Variants in AGAP1 observed in about 807,000 individuals in gnomAD.
AGAP1 encodes arf-GAP with GTPase, ANK repeat and PH domain-containing protein 1.
Under a neutral mutation model 105.3 loss-of-function variants are expected in AGAP1, and 29 were observed. The ratio of observed to expected loss-of-function variants is 0.28; its 90% CI spans 0.21 to 0.38. The LOEUF (loss-of-function observed/expected upper bound fraction) is 0.38. Ranked by LOEUF, AGAP1 falls within the 10% of genes least tolerant of loss-of-function variation. AGAP1 has a pLI of 1.00. For missense variants in AGAP1, 998 were observed against 1,165.1 expected (o/e 0.86, Z 2.09); for synonymous variants, 509 against 485.9 (o/e 1.05, Z -0.63).
chr2:235,744,713 G>A lies in AGAP1; in HGVS notation c.412G>A (p.Asp138Asn), dbSNP rs1384017697. ...CTCTCCCTAGTTTGCCATGTGGGTG[G>A]ACGCTGTTATATTTGTCTTCAGCTT... ...PPEAQFAMWV[D>N]AVIFVFSLED... The change falls in exon 5 of 18, where the codon GAC (aspartate) becomes AAC (asparagine). Residue 138 changes from aspartate (D) to asparagine (N), a missense_variant. Physicochemically the swap from Asp to Asn is conservative, Grantham distance 23 (BLOSUM62 1). This residue lies in a region of AGAP1 where 735 missense variants were observed against 833.4 expected (regional missense o/e 0.88). Coordinates refer to ENST00000304032, the MANE Select transcript of AGAP1 (RefSeq NM_001037131.3). This position sits in a 1 kb window ranked among gnomAD's most constrained non-coding sequence, Gnocchi z 5.2. 6.2e-7 allele frequency: 1 copy of A among 1,613,916 alleles called. No individual in the cohort carries two copies. Among genetic ancestry groups the A allele is most frequent in the Non-Finnish European group, 8.5e-7 (1 of 1,180,020 alleles).
At chr2:235,527,554 T>C (rs1942886633) in intron 1 of AGAP1, among the ~76,000 whole-genome samples, 1 of 152,106 alleles carries the variant, frequency 6.6e-6, no homozygotes, top group Non-Finnish European at 1.5e-5. Flanking sequence ...TTTTATTTTA[T>C]TTTTTGCGTT....
chr2:235,832,797 A>G (rs1218438626), intron 9 of AGAP1, among the ~76,000 whole-genome samples: 1 of 152,192 alleles, frequency 6.6e-6, no homozygotes, highest in East Asian at 1.9e-4. Flanking sequence ...CCCACAGACT[A>G]GAAGGCAGGT....
chr2:235,515,505 T>A (rs1447115281), intron 1 of AGAP1, among the ~76,000 whole-genome samples: 3 of 152,204 alleles, frequency 2.0e-5, no homozygotes, highest in Non-Finnish European at 2.9e-5. Flanking sequence ...ACAGCGCTGA[T>A]CCACTGGAAT....
At chr2:235,836,718 C>G (rs1213946211) in intron 9 of AGAP1, among the ~76,000 whole-genome samples, 2 of 152,180 alleles carry the variant, frequency 1.3e-5, no homozygotes, top group African/African-American at 4.8e-5. Context: ...GCTCCTTCAT[C>G]CACTCTTCTC....
chr2:236,037,646 G>A (rs554281607), intron 14 of AGAP1, among the ~76,000 whole-genome samples: 15 of 152,242 alleles, frequency 9.9e-5, no homozygotes, highest in Middle Eastern at 3.4e-3. Context: ...GGGCTCAAGC[G>A]ATCCACCTGC....
At chr2:236,065,502 C>G (rs1441216824) in intron 16 of AGAP1, among the ~76,000 whole-genome samples, 2 of 152,232 alleles carry the variant, frequency 1.3e-5, no homozygotes, top group African/African-American at 4.8e-5. Context: ...GTTGCTAACA[C>G]TCCATCAGGC....
Position 236,123,447 on chromosome 2 carries a change from G to A in AGAP1, c.2371-472G>A, listed in dbSNP as rs536894798. Reference sequence around the variant, plus strand: ...ATTTGTACAGTCTTATCTCAATTATGTACATATACATGTAGATTCAAAGAA... The same window carrying A: ...ATTTGTACAGTCTTATCTCAATTATATACATATACATGTAGATTCAAAGAA... On this transcript the variant is annotated intron_variant, in intron 17 of 17. Transcript: ENST00000304032. The surrounding 1 kb of genome is among the most constrained non-coding windows in gnomAD (Gnocchi z 4.6). 3.9e-5 allele frequency among the ~76,000 whole-genome samples: 6 copies of A among 152,224 alleles called. No homozygotes were observed. In the East Asian group the frequency reaches 7.7e-4, roughly 20 times the overall value.
chr2:235,940,269 C>T (rs1036900204), intron 12 of AGAP1, among the ~76,000 whole-genome samples: 3 of 152,116 alleles, frequency 2.0e-5, no homozygotes, highest in Non-Finnish European at 2.9e-5. Context: ...GGTCCTAACT[C>T]ATCTCTGGCC....
chr2:235,789,467 TACA>T lies in AGAP1; in HGVS notation c.674-8289_674-8287del, dbSNP rs886678741. Among the ~76,000 whole-genome samples, 39 of 152,326 alleles carry T rather than the reference TACA, an allele frequency of 2.6e-4. No individual in the cohort carries two copies. The highest frequency in any genetic ancestry group is 3.4e-3 in the Middle Eastern group (1 of 294). ...ATAAATGAAGATAAATTTGTTTTAATACAACGAGATAAAAAGAATACAGACAAG... is the reference window on the plus strand; with the variant it reads ...ATAAATGAAGATAAATTTGTTTTAATACGAGATAAAAAGAATACAGACAAG... On this transcript the variant is annotated intron_variant, in intron 6 of 17. Coordinates refer to ENST00000304032, the MANE Select transcript of AGAP1 (RefSeq NM_001037131.3). This position sits in a 1 kb window ranked among gnomAD's most constrained non-coding sequence, Gnocchi z 4.2.
chr2:235,584,798 C>T (rs1945047933), intron 1 of AGAP1, among the ~76,000 whole-genome samples: 2 of 152,014 alleles, frequency 1.3e-5, no homozygotes, highest in Admixed American at 1.3e-4. Context: ...CCGCTCACTC[C>T]TCCCTCTCCC....
At chr2:235,758,510 C>T (rs1954126541) in intron 6 of AGAP1, among the ~76,000 whole-genome samples, 2 of 152,294 alleles carry the variant, frequency 1.3e-5, no homozygotes, top group African/African-American at 4.8e-5. Flanking sequence ...GTCCCCGTCT[C>T]TACACCCTCA....
intron 12 of AGAP1, among the ~76,000 whole-genome samples, chr2:235,955,401 G>A (rs1232612786): frequency 6.6e-6 from 1 of 150,508 alleles, no homozygotes; most frequent in Admixed American, 6.6e-5. Flanking sequence ...GAGCAGCACA[G>A]AACTTCGGCT....
At chr2:235,999,656 G>T (rs1414012466) in intron 13 of AGAP1, among the ~76,000 whole-genome samples, 1 of 151,878 alleles carries the variant, frequency 6.6e-6, no homozygotes, top group Admixed American at 6.6e-5. Flanking sequence ...GGTGAGAGGT[G>T]GTGGTGGTGA....
chr2:235,808,618 G>A lies in AGAP1; in HGVS notation c.1050+1287G>A, dbSNP rs563478753. ...GCCCACAGCGTAACCGACCCTGCCC[G>A]GGAGCAAGCTTTCTCCTTCCGTGCT... On this transcript the variant is annotated intron_variant, in intron 9 of 17. Transcript: ENST00000304032. Among the ~76,000 whole-genome samples the A allele has an allele frequency of 4.5e-4, 68 of 152,260 alleles. No homozygotes were observed. In the South Asian group the frequency reaches 0.014, roughly 31 times the overall value.
In AGAP1 at chr2:235,566,460, A is replaced by T. The variant is rs571369522; in HGVS notation, c.163+71611A>T. On this transcript the variant is annotated intron_variant, in intron 1 of 17. Coordinates refer to ENST00000304032, the MANE Select transcript of AGAP1 (RefSeq NM_001037131.3). This position sits in a 1 kb window ranked among gnomAD's most constrained non-coding sequence, Gnocchi z 5.2. ...TATTATTAACTCGAGATCAATATTG[A>T]TTTACTGTTTTGTTTTTTTATTTCC... 9.4e-6 allele frequency: 5 copies of T among 530,996 alleles called. No individual in the cohort carries two copies. Among genetic ancestry groups the T allele is most frequent in the Admixed American group, 1.3e-4 (2 of 15,696 alleles). The allele number at this position is 530,996 out of a possible 1,614,324, so 32.9% of individuals were successfully genotyped here.
intron 1 of AGAP1, among the ~76,000 whole-genome samples, chr2:235,526,613 T>TA (rs1373065311): frequency 2.0e-5 from 3 of 152,040 alleles, no homozygotes. Flanking sequence ...TTTGGAGAAG[T>TA]AAAAAAACCT....
intron 3 of AGAP1, among the ~76,000 whole-genome samples, chr2:235,735,984 C>G (rs570664785): frequency 6.6e-6 from 1 of 151,986 alleles, no homozygotes; most frequent in South Asian, 2.1e-4. Context: ...ATGCGGGTTC[C>G]GTTCTCACCT....
Position 235,494,623 on chromosome 2 carries a change from C to CG in AGAP1, c.-61dup. The CG allele has an allele frequency of 1.1e-6, 1 of 915,922 alleles. No individual in the cohort carries two copies. The highest frequency in any genetic ancestry group is 1.9e-5 in the African/African-American group (1 of 53,806). The allele number at this position is 915,922 out of a possible 1,614,324, so 56.7% of individuals were successfully genotyped here. On this transcript the variant is annotated 5_prime_UTR_variant, in exon 1 of 18. Coordinates refer to ENST00000304032, the MANE Select transcript of AGAP1 (RefSeq NM_001037131.3). ...GCGGCGCCCCGGGCTCGGCGGCCCG[C>CG]GGGCCCCGGGGCGCGGGGCGGCGGC... is the stretch of plus-strand genomic sequence containing the variant.
intron 1 of AGAP1, among the ~76,000 whole-genome samples, chr2:235,528,278 A>AG (rs892456934): frequency 1.3e-5 from 2 of 150,326 alleles, no homozygotes; most frequent in African/African-American, 4.9e-5. Context: ...GAGCCATGCC[A>AG]GGCTGCTGGA....
Sources: allele counts gnomAD v4.1 joint callset (sites outside exome capture counted in the v4.1 genomes callset), GRCh38; gene constraint gnomAD v4.1.1; regional missense constraint gnomAD v4.1.1; non-coding constraint Gnocchi (gnomAD v3.1); transcripts MANE v1.5; gene names NCBI Gene and HGNC (gene_info 2026-07-23, HGNC 2026-07-21).